CPNE4: variants seen among roughly 807,000 people sequenced by gnomAD.
CPNE4 encodes copine-4.
A neutral mutation model predicts 67.9 loss-of-function variants in CPNE4; 25 were observed. The observed-to-expected ratio is 0.37, with a 90% CI of 0.27 to 0.51. The LOEUF (loss-of-function observed/expected upper bound fraction) is 0.51, where lower values mean the gene tolerates loss of function less well. Ranked by LOEUF, CPNE4 falls within the 20% of genes least tolerant of loss-of-function variation. The pLI, the probability that CPNE4 is intolerant of heterozygous loss-of-function variation, is 0.93. For missense variants in CPNE4, 464 were observed against 690.8 expected, an observed-to-expected ratio of 0.67 and a Z score of 3.68; for synonymous variants, 242 against 244.9, an observed-to-expected ratio of 0.99 and a Z score of 0.11.
At chr3:131,769,263 C>T (rs1279107189) in intron 2 of CPNE4, among the ~76,000 whole-genome samples, 1 of 152,110 alleles carries the variant, frequency 6.6e-6, no homozygotes, top group African/African-American at 2.4e-5. Context: ...AGAAATACTA[C>T]TGGTGGTTGT....
At chr3:131,751,240 T>G (rs752553884) in intron 2 of CPNE4, among the ~76,000 whole-genome samples, 9 of 152,144 alleles carry the variant, frequency 5.9e-5, no homozygotes, top group Non-Finnish European at 1.2e-4. Context: ...ACTTTTTTAG[T>G]TCTGCCTTAT....
chr3:131,723,718 C>T, intron 2 of CPNE4, 93 bp from the exon 3 acceptor site: 3 of 1,164,346 alleles, frequency 2.6e-6, no homozygotes, highest in Non-Finnish European at 3.7e-6. Context: ...CCCTTCTTCC[C>T]AACCATAAAT....
chr3:131,716,321 G>A (rs2081685369), intron 3 of CPNE4, among the ~76,000 whole-genome samples: 1 of 151,794 alleles, frequency 6.6e-6, no homozygotes, highest in African/African-American at 2.4e-5. Context: ...GGCCTTAACT[G>A]TGGCAATCCC....
intron 2 of CPNE4, among the ~76,000 whole-genome samples, chr3:131,901,357 A>G (rs907840370): frequency 6.6e-6 from 1 of 152,108 alleles, no homozygotes; most frequent in Non-Finnish European, 1.5e-5. Flanking sequence ...ATATATTGCC[A>G]TCATTACATA....
intron 2 of CPNE4, among the ~76,000 whole-genome samples, chr3:131,726,474 C>T (rs1423613954): frequency 6.6e-6 from 1 of 152,062 alleles, no homozygotes; most frequent in Non-Finnish European, 1.5e-5. Context: ...TCAGGAAAAG[C>T]AGGAAAATGA....
chr3:131,991,825 T>C (rs1295698550), intron 1 of CPNE4, among the ~76,000 whole-genome samples: 1 of 135,740 alleles, frequency 7.4e-6, no homozygotes, highest in African/African-American at 2.5e-5. Flanking sequence ...TAGGATATGG[T>C]ACCCTGCCAT....
chr3:131,998,110 A>G (rs1288029849), intron 1 of CPNE4, among the ~76,000 whole-genome samples: 1 of 152,158 alleles, frequency 6.6e-6, no homozygotes, highest in African/African-American at 2.4e-5. Flanking sequence ...ACCTGGATGT[A>G]GATATCATGA....
At chr3:131,735,667 C>G (rs2082217340) in intron 2 of CPNE4, among the ~76,000 whole-genome samples, 1 of 152,148 alleles carries the variant, frequency 6.6e-6, no homozygotes, top group South Asian at 2.1e-4. Context: ...AAATATACAT[C>G]TCTATTACAT....
chr3:131,669,862 T>C, intron 6 of CPNE4, 98 bp from the exon 7 acceptor site: 1 of 941,180 alleles, frequency 1.1e-6, no homozygotes, highest in Non-Finnish European at 1.7e-6. Context: ...GTGATGCTTA[T>C]GAAAAGAACA....
At chr3:131,719,063 C>G (rs865985362) in intron 3 of CPNE4, among the ~76,000 whole-genome samples, 2 of 152,142 alleles carry the variant, frequency 1.3e-5, no homozygotes, top group East Asian at 1.9e-4. Context: ...AAAGAACATG[C>G]GAGATATCCA....
intron 7 of CPNE4, among the ~76,000 whole-genome samples, chr3:131,631,286 T>C (rs59981165): frequency 0.27 from 41,753 of 151,886 alleles, 9,423 homozygotes; most frequent in African/African-American, 0.62. Context: ...AAATTTTCTA[T>C]GTCTTTAGCT....
intron 1 of CPNE4, among the ~76,000 whole-genome samples, chr3:131,909,211 T>C (rs2088884424): frequency 6.6e-6 from 1 of 152,156 alleles, no homozygotes; most frequent in African/African-American, 2.4e-5. Flanking sequence ...AGTCAGACAG[T>C]AAAACAATGG....
At chr3:131,942,475 A>T (rs879335319) in intron 1 of CPNE4, among the ~76,000 whole-genome samples, 9,280 of 83,926 alleles carry the variant, frequency 0.11, 211 homozygotes, top group African/African-American at 0.15. Context: ...AGAGAGAGAG[A>T]GAGAGAGAGA....
intron 2 of CPNE4, among the ~76,000 whole-genome samples, chr3:131,746,501 C>T (rs2082492782): frequency 6.6e-6 from 1 of 152,132 alleles, no homozygotes; most frequent in Non-Finnish European, 1.5e-5. Flanking sequence ...TTAGATTTCA[C>T]ATATGAGTGA....
At chr3:131,785,182 G>C (rs2083525171) in intron 2 of CPNE4, among the ~76,000 whole-genome samples, 1 of 152,082 alleles carries the variant, frequency 6.6e-6, no homozygotes, top group Admixed American at 6.6e-5. Context: ...ATTCTGAGAA[G>C]TACATATTCC....
At chr3:131,912,812 G>C (rs1451267896) in intron 1 of CPNE4, among the ~76,000 whole-genome samples, 1 of 152,164 alleles carries the variant, frequency 6.6e-6, no homozygotes, top group East Asian at 1.9e-4. Context: ...CACCTGGGAA[G>C]CAGGTTAAAA....
chr3:131,665,996 T>C (rs1176875860), intron 7 of CPNE4, among the ~76,000 whole-genome samples: 1 of 152,108 alleles, frequency 6.6e-6, no homozygotes, highest in African/African-American at 2.4e-5. Context: ...TTTGGGTTTT[T>C]TTCTGGTATT....
intron 1 of CPNE4, among the ~76,000 whole-genome samples, chr3:131,913,711 C>T (rs1236975799): frequency 6.6e-6 from 1 of 152,144 alleles, no homozygotes; most frequent in South Asian, 2.1e-4. Context: ...CTTATGCCTC[C>T]TTGGTCGAAT....
chr3:132,001,775 G>A (rs1467653623), intron 1 of CPNE4, among the ~76,000 whole-genome samples: 3 of 151,952 alleles, frequency 2.0e-5, no homozygotes, highest in African/African-American at 7.2e-5. Context: ...GAGAATATCC[G>A]GAGACTAAAG....
Sources: allele counts gnomAD v4.1 joint callset (sites outside exome capture counted in the v4.1 genomes callset), GRCh38; gene constraint gnomAD v4.1.1; transcripts MANE v1.5; gene names NCBI Gene and HGNC (gene_info 2026-07-23, HGNC 2026-07-21).